SMOC1: variants seen among roughly 807,000 people sequenced by gnomAD.
SMOC1 encodes the protein SPARC-related modular calcium-binding protein 1.
A neutral mutation model predicts 56.3 loss-of-function variants in SMOC1; 22 were observed. The observed-to-expected ratio is 0.39, with a 90% CI of 0.28 to 0.56. The LOEUF (loss-of-function observed/expected upper bound fraction) is 0.56, where lower values mean the gene tolerates loss of function less well. Among genes scored for constraint, SMOC1 ranks in the 20% least tolerant of loss-of-function variants. The probability of loss-of-function intolerance (pLI) is 0.61; values close to 1 mark genes in which losing one functional copy is unlikely to be tolerated. For missense variants in SMOC1, 509 were observed against 565.4 expected (o/e 0.90, Z 1.01); for synonymous variants, 193 against 215.0 (o/e 0.90, Z 0.89).
intron 1 of SMOC1, among the ~76,000 whole-genome samples, chr14:69,882,173 G>T (rs1464485724): frequency 6.6e-6 from 1 of 152,148 alleles, no homozygotes; most frequent in African/African-American, 2.4e-5. Flanking sequence ...CTTATTGGGG[G>T]CCTCAAAAGT....
intron 1 of SMOC1, among the ~76,000 whole-genome samples, chr14:69,904,485 A>G (rs1275849): frequency 0.67 from 102,006 of 152,156 alleles, 38,903 homozygotes; most frequent in East Asian, 0.91. Flanking sequence ...CTTTCAACAG[A>G]TCCTTCTCTA....
chr14:69,894,781 G>A (rs894710859), intron 1 of SMOC1, among the ~76,000 whole-genome samples: 2 of 152,182 alleles, frequency 1.3e-5, no homozygotes, highest in Non-Finnish European at 2.9e-5. Context: ...CAGTGCAGAT[G>A]TTCCAAGAGT....
At chr14:69,926,736 T>G (rs1885022427) in intron 1 of SMOC1, among the ~76,000 whole-genome samples, 1 of 152,222 alleles carries the variant, frequency 6.6e-6, no homozygotes, top group Admixed American at 6.5e-5. Flanking sequence ...GGCTCCCTGT[T>G]GTAGCCAAAT....
At chr14:69,913,243 TCTC>T (rs1884601087) in intron 1 of SMOC1, among the ~76,000 whole-genome samples, 1 of 152,216 alleles carries the variant, frequency 6.6e-6, no homozygotes, top group Admixed American at 6.5e-5. Flanking sequence ...CTGTGTGTCT[TCTC>T]CTGTGGGTGG....
At chr14:69,980,435 G>A (rs1030384591) in intron 5 of SMOC1, among the ~76,000 whole-genome samples, 6 of 152,112 alleles carry the variant, frequency 3.9e-5, no homozygotes, top group Non-Finnish European at 5.9e-5. Flanking sequence ...CTATTTAGTG[G>A]CCTCTCTTTC....
intron 11 of SMOC1, among the ~76,000 whole-genome samples, chr14:70,027,628 T>A (rs139600702): frequency 3.3e-5 from 5 of 152,308 alleles, no homozygotes; most frequent in South Asian, 2.1e-4. Flanking sequence ...TGGGCCTGGC[T>A]TGATTTTAAT....
At chr14:69,883,196 C>T (rs1165698138) in intron 1 of SMOC1, among the ~76,000 whole-genome samples, 1 of 152,200 alleles carries the variant, frequency 6.6e-6, no homozygotes, top group African/African-American at 2.4e-5. Context: ...TTGTCATTAA[C>T]TATAGTCACT....
chr14:69,980,608 T>C (rs1297593083), intron 5 of SMOC1, among the ~76,000 whole-genome samples: 1 of 152,166 alleles, frequency 6.6e-6, no homozygotes, highest in East Asian at 1.9e-4. Flanking sequence ...CGAGAGGGCA[T>C]TAGTAATATC....
intron 1 of SMOC1, among the ~76,000 whole-genome samples, chr14:69,907,473 C>G (rs1884440942): frequency 6.6e-6 from 1 of 152,104 alleles, no homozygotes; most frequent in South Asian, 2.1e-4. Context: ...CCTAGTTCTC[C>G]CTTTGTAGTT....
chr14:69,981,381 CAT>C (rs1884171918), intron 5 of SMOC1, among the ~76,000 whole-genome samples: 2 of 152,172 alleles, frequency 1.3e-5, no homozygotes, highest in African/African-American at 4.8e-5. Flanking sequence ...TTTATGGGCA[CAT>C]GTGTGGTAAT....
chr14:69,891,087 A>G (rs775823899), intron 1 of SMOC1, among the ~76,000 whole-genome samples: 1 of 152,246 alleles, frequency 6.6e-6, no homozygotes, highest in Non-Finnish European at 1.5e-5. Context: ...AATTTCACCA[A>G]TGTTGCATGA....
At position 69,969,358 on chromosome 14, in the gene SMOC1, A is replaced by T. The variant is rs1482293744; in HGVS notation, c.379-6357A>T. The stretch of plus-strand genomic sequence containing the variant: ...GCTGTACAGGAAGCATGATGCTGGC[A>T]TCTACTCCGCTTCTGGAAAGGCCTC... On this transcript the variant is annotated intron_variant, in intron 3 of 11. Coordinates refer to ENST00000361956, the MANE Select transcript of SMOC1 (RefSeq NM_001034852.3). Among the ~76,000 whole-genome samples the T allele has an allele frequency of 2.6e-5, 4 of 152,280 alleles. No homozygotes were observed. In the East Asian group the frequency reaches 7.7e-4, roughly 29 times the overall value.
chr14:69,880,094 C>T (rs1177959755), intron 1 of SMOC1, among the ~76,000 whole-genome samples: 1 of 151,916 alleles, frequency 6.6e-6, no homozygotes, highest in Non-Finnish European at 1.5e-5. Flanking sequence ...CGGAGAGAAG[C>T]TCGCTCTCCG....
At chr14:69,915,515 T>C (rs1489821853) in intron 1 of SMOC1, among the ~76,000 whole-genome samples, 1 of 152,218 alleles carries the variant, frequency 6.6e-6, no homozygotes, top group Non-Finnish European at 1.5e-5. Context: ...TTCTACCTTG[T>C]CACCTTTTTA....
intron 7 of SMOC1, among the ~76,000 whole-genome samples, chr14:70,009,890 A>G (rs979596454): frequency 1.3e-5 from 2 of 152,220 alleles, no homozygotes; most frequent in African/African-American, 4.8e-5. Context: ...AAACAAAACC[A>G]GAAAAAAAAA....
At chr14:69,956,702 C>T (rs1297124063) in intron 3 of SMOC1, among the ~76,000 whole-genome samples, 1 of 152,090 alleles carries the variant, frequency 6.6e-6, no homozygotes, top group Non-Finnish European at 1.5e-5. Context: ...GTGGGACTCG[C>T]TGGCCTCTGT....
chr14:69,934,255 C>T (rs910041839), intron 1 of SMOC1, among the ~76,000 whole-genome samples: 11 of 152,286 alleles, frequency 7.2e-5, no homozygotes, highest in African/African-American at 2.6e-4. Flanking sequence ...GCTCACATCT[C>T]GTTTCTGTTA....
At chr14:69,959,231 C>T (rs528253962) in intron 3 of SMOC1, among the ~76,000 whole-genome samples, 1 of 152,280 alleles carries the variant, frequency 6.6e-6, no homozygotes, top group Non-Finnish European at 1.5e-5. Flanking sequence ...AAAATGTCTG[C>T]ATTGTATTTC....
intron 1 of SMOC1, among the ~76,000 whole-genome samples, chr14:69,912,531 G>A (rs1464844479): frequency 6.6e-6 from 1 of 152,188 alleles, no homozygotes; most frequent in African/African-American, 2.4e-5. Context: ...GAGATTACAG[G>A]CATGAGTCAC....
Sources: allele counts gnomAD v4.1 joint callset (sites outside exome capture counted in the v4.1 genomes callset), GRCh38; gene constraint gnomAD v4.1.1; transcripts MANE v1.5; gene names NCBI Gene and HGNC (gene_info 2026-07-23, HGNC 2026-07-21).